HOOK3: variants seen among roughly 807,000 people sequenced by gnomAD.
The protein encoded by HOOK3 is protein Hook homolog 3.
A neutral mutation model predicts 116.3 loss-of-function variants in HOOK3; 24 were observed. The ratio of observed to expected loss-of-function variants is 0.21; its 90% CI spans 0.15 to 0.29. The LOEUF is 0.29. HOOK3 is among the 10% of genes least tolerant of loss of function. HOOK3 has a pLI of 1.00. For synonymous variants in HOOK3, 275 were observed against 283.0 expected, an observed-to-expected ratio of 0.97 and a Z score of 0.28; for missense variants, 632 against 830.2, an observed-to-expected ratio of 0.76 and a Z score of 2.93.
Position 43,023,685 on chromosome 8 carries a change from T to G in HOOK3, c.*5187T>G, listed in dbSNP as rs2130503847. 5.6e-6 allele frequency: 1 copy of G among 179,908 alleles called. No homozygotes were observed. The highest frequency in any genetic ancestry group is 2.0e-4 in the South Asian group (1 of 5,058). The allele number at this position is 179,908 out of a possible 1,614,324, so 11.1% of individuals were successfully genotyped here. A position where few individuals can be genotyped will look rare whatever the true frequency, so the allele number is the denominator to read the frequency against. On this transcript the variant is annotated 3_prime_UTR_variant, in exon 22 of 22. Coordinates refer to ENST00000307602, the MANE Select transcript of HOOK3 (RefSeq NM_032410.4). ...CATGTTGGCCAGGCTGGTCTCTAAC[T>G]CCTGACCTCAGGTGATCCGTCCACC... is the stretch of plus-strand genomic sequence containing the variant.
rs181247833 is a variant in HOOK3, at chr8:42,897,968, G to A, written c.57+780G>A. ...GATGCGCAGAGCCCGGGCGGACCCC[G>A]CGCTGCCTTCGGGAGCCTCCGTTTC... On this transcript the variant is annotated intron_variant, in intron 1 of 21. Transcript: ENST00000307602. 2.9e-3 allele frequency among the ~76,000 whole-genome samples: 445 copies of A among 152,362 alleles called. 1 individual carries two copies. Among genetic ancestry groups the A allele is most frequent in the African/African-American group, 0.01 (421 of 41,590 alleles).
At chr8:42,899,809 C>T (rs1201224265) in intron 1 of HOOK3, among the ~76,000 whole-genome samples, 6 of 152,162 alleles carry the variant, frequency 3.9e-5, no homozygotes, top group East Asian at 1.9e-4. Context: ...TGAATGATTC[C>T]GTCTTTGGGA....
At chr8:42,967,710 G>A (rs1200965393) in intron 10 of HOOK3, among the ~76,000 whole-genome samples, 1 of 151,918 alleles carries the variant, frequency 6.6e-6, no homozygotes. Flanking sequence ...CACTGAAGCT[G>A]CTATTCTGGT....
At chr8:42,944,182 C>T (rs753704311) in intron 5 of HOOK3, among the ~76,000 whole-genome samples, 5 of 149,118 alleles carry the variant, frequency 3.4e-5, no homozygotes, top group Non-Finnish European at 6.0e-5. Flanking sequence ...TGGGAGGCCA[C>T]GGTGGGCGGA....
At chr8:42,962,621 T>C (rs1322349207) in intron 8 of HOOK3, among the ~76,000 whole-genome samples, 1 of 151,278 alleles carries the variant, frequency 6.6e-6, no homozygotes, top group East Asian at 1.9e-4. Flanking sequence ...GCCCAGGCTG[T>C]TCTCCAACTC....
At chr8:42,981,986 G>T (rs924119035) in intron 13 of HOOK3, among the ~76,000 whole-genome samples, 35 of 151,672 alleles carry the variant, frequency 2.3e-4, no homozygotes, top group Admixed American at 2.2e-3. Flanking sequence ...GGGCACAGTG[G>T]CTCACGCCTG....
intron 4 of HOOK3, among the ~76,000 whole-genome samples, chr8:42,930,520 C>T (rs1204409645): frequency 2.0e-5 from 3 of 152,170 alleles, no homozygotes; most frequent in Non-Finnish European, 4.4e-5. Context: ...AACCCCCCAC[C>T]CCTAGATGAA....
chr8:42,933,597 T>C (rs1807911063), intron 4 of HOOK3, among the ~76,000 whole-genome samples: 1 of 152,260 alleles, frequency 6.6e-6, no homozygotes, highest in African/African-American at 2.4e-5. Flanking sequence ...GTTTGCTGAA[T>C]TCGGTGTATT....
rs968446351 is a variant in HOOK3, at chr8:42,911,374, C to T, written c.143+5116C>T. 5.9e-5 allele frequency among the ~76,000 whole-genome samples: 9 copies of T among 152,174 alleles called. No individual in the cohort carries two copies. In the South Asian group the frequency reaches 6.2e-4, roughly 11 times the overall value. On this transcript the variant is annotated intron_variant, in intron 2 of 21. Transcript: ENST00000307602. ...ACTGAGGAAGGAGAATTGCTTGAAC[C>T]GGGAAAGTGGAGGTTGCAGTGAGCC...
intron 13 of HOOK3, among the ~76,000 whole-genome samples, chr8:42,981,272 C>T (rs939682726): frequency 4.0e-5 from 6 of 151,742 alleles, no homozygotes; most frequent in African/African-American, 1.2e-4. Flanking sequence ...AGGCTGGTCT[C>T]GAGCTCCTGA....
At chr8:43,012,512 T>TA (rs1033339911) in intron 19 of HOOK3, among the ~76,000 whole-genome samples, 2 of 152,250 alleles carry the variant, frequency 1.3e-5, no homozygotes, top group Non-Finnish European at 2.9e-5. Flanking sequence ...GTTCTTTATA[T>TA]AAGTAAAAAG....
chr8:43,016,510 G>T (rs986440783), intron 21 of HOOK3, among the ~76,000 whole-genome samples: 5 of 152,164 alleles, frequency 3.3e-5, no homozygotes, highest in African/African-American at 1.2e-4. Flanking sequence ...AAACCATCAT[G>T]CTTACATTCA....
At position 43,021,307 on chromosome 8, in the gene HOOK3, C is replaced by CT. The variant is rs1054328269; in HGVS notation, c.*2817dup. 4 of 191,892 alleles carry CT rather than the reference C, an allele frequency of 2.1e-5. No individual in the cohort carries two copies. Among genetic ancestry groups the CT allele is most frequent in the East Asian group, 1.7e-4 (2 of 12,102 alleles). 11.9% of individuals were successfully genotyped at this position (191,892 alleles called of 1,614,324 possible). On this transcript the variant is annotated 3_prime_UTR_variant, in exon 22 of 22. Transcript: ENST00000307602. ...TTTTAGAGGGGAGTTTTACTTCTGA[C>CT]TTTTTTTTCCCCCCGAGACGGAGCC... is the stretch of plus-strand genomic sequence containing the variant.
At chr8:42,931,225 T>C (rs73635364) in intron 4 of HOOK3, among the ~76,000 whole-genome samples, 7,192 of 152,170 alleles carry the variant, frequency 0.047, 342 homozygotes, top group African/African-American at 0.12. Flanking sequence ...GTTCTTGCTT[T>C]TTTGCACTTT....
At chr8:42,980,887 A>G (rs1400764962) in intron 13 of HOOK3, among the ~76,000 whole-genome samples, 1 of 151,868 alleles carries the variant, frequency 6.6e-6, no homozygotes, top group Non-Finnish European at 1.5e-5. Flanking sequence ...TCCTCAATAA[A>G]AAGAAAAAGA....
At chr8:42,969,461 A>G (rs1222447126) in intron 11 of HOOK3, among the ~76,000 whole-genome samples, 1 of 152,174 alleles carries the variant, frequency 6.6e-6, no homozygotes, top group Non-Finnish European at 1.5e-5. Flanking sequence ...CCCCATCTCT[A>G]AAAATAACTT....
chr8:42,947,292 A>G (rs1015812485), intron 5 of HOOK3, among the ~76,000 whole-genome samples: 2 of 152,204 alleles, frequency 1.3e-5, no homozygotes, highest in African/African-American at 4.8e-5. Flanking sequence ...AAGTTGATTG[A>G]TATCAGATAA....
chr8:42,922,294 C>T (rs1422726316), intron 2 of HOOK3, among the ~76,000 whole-genome samples: 1 of 152,036 alleles, frequency 6.6e-6, no homozygotes, highest in African/African-American at 2.4e-5. Context: ...GTGATCTCAG[C>T]ACTTTGGGAG....
Position 42,986,645 on chromosome 8 carries a change from G to C in HOOK3, c.1392-10G>C, listed in dbSNP as rs776739012. 1 of 1,601,698 alleles carries C rather than the reference G, an allele frequency of 6.2e-7. No homozygotes were observed. Among genetic ancestry groups the C allele is most frequent in the Non-Finnish European group, 8.5e-7 (1 of 1,174,032 alleles). On this transcript the variant is annotated splice_polypyrimidine_tract_variant and intron_variant, in intron 14 of 21. Coordinates refer to ENST00000307602, the MANE Select transcript of HOOK3 (RefSeq NM_032410.4). ...GTATATAATATTTAGTTTTTATTTTGTTCATTCAGGGAGAAACTTATTCGT... is the reference window on the plus strand; with the variant it reads ...GTATATAATATTTAGTTTTTATTTTCTTCATTCAGGGAGAAACTTATTCGT...
Sources: allele counts gnomAD v4.1 joint callset (sites outside exome capture counted in the v4.1 genomes callset), GRCh38; gene constraint gnomAD v4.1.1; transcripts MANE v1.5; gene names NCBI Gene and HGNC (gene_info 2026-07-23, HGNC 2026-07-21).